The following LMO7 variants were observed in gnomAD, a reference collection of about 807,000 sequenced individuals.
LMO7 encodes the protein LIM domain only protein 7.
In LMO7, 120 loss-of-function variants were observed where a neutral mutation model predicts 206.5. The ratio of observed to expected loss-of-function variants is 0.58; its 90% CI spans 0.50 to 0.68. The LOEUF is 0.68. LMO7 is among the 30% of genes least tolerant of loss of function. LMO7 has a pLI of 0.00. For missense variants in LMO7, 1,959 were observed against 1,957.9 expected (o/e 1.00, Z -0.01); for synonymous variants, 706 against 681.5 (o/e 1.04, Z -0.56).
Position 75,841,731 on chromosome 13 carries a change from G to C in LMO7, c.3779G>C (p.Arg1260Thr). The change falls in exon 24 of 31, where the codon AGA (arginine) becomes ACA (threonine). Residue 1260 changes from arginine (R) to threonine (T), a missense_variant. Transcript: ENST00000377534. ...TWSEGSKSSD[R>T]EGTRAGEEER... ...AGTGAAGGGTCCAAGTCTTCAGACA[G>C]AGAAGGAACCCGAGCAGGAGAAGAG... is the stretch of plus-strand genomic sequence containing the variant. The C allele has an allele frequency of 1.2e-6, 2 of 1,614,110 alleles. No individual in the cohort carries two copies. The highest frequency in any genetic ancestry group is 1.1e-5 in the South Asian group (1 of 91,086).
At chr13:75,623,324 A>T (rs1320906250) in intron 2 of LMO7, 1 of 1,384,158 alleles carries the variant, frequency 7.2e-7, no homozygotes, top group Admixed American at 1.7e-5. Context: ...CATTAAGGTA[A>T]TATTTTTCTG....
chr13:75,626,576 A>G (rs921609978), intron 2 of LMO7, among the ~76,000 whole-genome samples: 1 of 64,390 alleles, frequency 1.6e-5, no homozygotes, highest in Non-Finnish European at 3.5e-5. Context: ...TAACATATAT[A>G]TTATATATAT....
intron 4 of LMO7, among the ~76,000 whole-genome samples, chr13:75,780,828 C>T (rs2761075): frequency 0.012 from 1,867 of 152,234 alleles, 48 homozygotes; most frequent in African/African-American, 0.043. Context: ...GTTCTTCTGC[C>T]GTGGCTTCAG....
chr13:75,644,870 G>A (rs539902998), intron 1 of LMO7, among the ~76,000 whole-genome samples: 36 of 152,276 alleles, frequency 2.4e-4, no homozygotes, highest in African/African-American at 5.5e-4. Flanking sequence ...GGCTTCAAGC[G>A]ATCCTCCCAC....
Position 75,833,151 on chromosome 13 carries a change from C to T in LMO7, c.3050C>T (p.Ala1017Val). ...IKWDIPGIFV[A>V]SVEAGSPAEF... The stretch of plus-strand genomic sequence containing the variant: ...TGGGATATTCCTGGGATCTTCGTAG[C>T]ATCAGTTGAAGCAGGTAAATTATGT... The change falls in exon 16 of 31, where the codon GCA becomes GTA. Residue 1017 changes from alanine (A) to valine (V), a missense_variant. By Grantham distance (64) the Ala-to-Val change is moderately conservative. Coordinates refer to ENST00000377534, the MANE Select transcript of LMO7 (RefSeq NM_001306080.2). The T allele has an allele frequency of 2.5e-6, 4 of 1,581,876 alleles. No homozygotes were observed. The highest frequency in any genetic ancestry group is 3.5e-6 in the Non-Finnish European group (4 of 1,150,804).
At chr13:75,704,895 A>C (rs552024680) in intron 1 of LMO7, among the ~76,000 whole-genome samples, 57 of 152,386 alleles carry the variant, frequency 3.7e-4, no homozygotes, top group African/African-American at 1.2e-3. Context: ...TATGAAATGA[A>C]TACACCTCAT....
rs2061155921 is a variant in LMO7, at chr13:75,859,417, T to G, written c.*1474T>G. The G allele has an allele frequency of 6.6e-6, 1 of 152,214 alleles. No homozygotes were observed. The highest frequency in any genetic ancestry group is 2.4e-5 in the African/African-American group (1 of 41,464). The allele number at this position is 152,214 out of a possible 1,614,324, so 9.4% of individuals were successfully genotyped here. A position where few individuals can be genotyped will look rare whatever the true frequency, so the allele number is the denominator to read the frequency against. On this transcript the variant is annotated 3_prime_UTR_variant, in exon 31 of 31. Transcript: ENST00000377534. ...CATATAATTATTTATAAGTATAGAT[T>G]GTGAATTTTTCCATGTTCTTAAAAT...
rs1595068146 is a variant in LMO7, at chr13:75,795,344, T to C, written c.318-57T>C. The C allele has an allele frequency of 3.4e-6, 4 of 1,166,612 alleles. No individual in the cohort carries two copies. In the East Asian group the frequency reaches 7.4e-5, roughly 22 times the overall value. 72.3% of individuals were successfully genotyped at this position (1,166,612 alleles called of 1,614,324 possible). A position where few individuals can be genotyped will look rare whatever the true frequency, so the allele number is the denominator to read the frequency against. On this transcript the variant is annotated intron_variant, in intron 4 of 30. Coordinates refer to ENST00000377534, the MANE Select transcript of LMO7 (RefSeq NM_001306080.2). The stretch of plus-strand genomic sequence containing the variant: ...ATAAAAATGAGTTTTTTTCTAGCTA[T>C]AATTAATAATTTAAGGTTCACGGAT...
chr13:75,746,615 G>C (rs918822560), intron 3 of LMO7, among the ~76,000 whole-genome samples: 4 of 152,210 alleles, frequency 2.6e-5, no homozygotes, highest in Non-Finnish European at 4.4e-5. Flanking sequence ...CAATGGGCCT[G>C]CATTCCCCTA....
chr13:75,658,566 C>G (rs1289347061), intron 1 of LMO7, among the ~76,000 whole-genome samples: 1 of 151,922 alleles, frequency 6.6e-6, no homozygotes, highest in Non-Finnish European at 1.5e-5. Flanking sequence ...TGAATGGTAT[C>G]TTATTCAACT....
At chr13:75,795,703 A>G (rs1022818226) in intron 5 of LMO7, among the ~76,000 whole-genome samples, 1 of 152,216 alleles carries the variant, frequency 6.6e-6, no homozygotes, top group Non-Finnish European at 1.5e-5. Flanking sequence ...AACTCTGACC[A>G]TGTCCCTGCA....
chr13:75,822,389 T>A (rs1434236860), intron 14 of LMO7, among the ~76,000 whole-genome samples: 2 of 152,160 alleles, frequency 1.3e-5, no homozygotes, highest in Non-Finnish European at 2.9e-5. Context: ...ATTATAAGAA[T>A]TTCATGGCAG....
intron 4 of LMO7, among the ~76,000 whole-genome samples, chr13:75,770,365 A>C (rs1392653203): frequency 2.0e-5 from 3 of 152,018 alleles, no homozygotes; most frequent in Non-Finnish European, 1.5e-5. Context: ...CTAGAGCCTC[A>C]CATACTCTAG....
chr13:75,830,099 T>G (rs1033911786), intron 15 of LMO7, among the ~76,000 whole-genome samples: 1 of 152,186 alleles, frequency 6.6e-6, no homozygotes, highest in Non-Finnish European at 1.5e-5. Context: ...AAGCTTGGAT[T>G]CTTTGTAGGA....
intron 2 of LMO7, among the ~76,000 whole-genome samples, chr13:75,630,545 G>C (rs886888096): frequency 6.6e-6 from 1 of 152,148 alleles, no homozygotes; most frequent in African/African-American, 2.4e-5. Context: ...ATGGTGGCAT[G>C]CATCTGTAGT....
rs537151270 is a variant in LMO7, at chr13:75,745,280, T to C, written c.211-15652T>C. On this transcript the variant is annotated intron_variant, in intron 3 of 30. Coordinates refer to ENST00000377534, the MANE Select transcript of LMO7 (RefSeq NM_001306080.2). ...CTTTGTTGGGTAGGCTACATTTTAC[T>C]TAAAGTATTGGGGGCTTTTGAGAAC... is the stretch of plus-strand genomic sequence containing the variant. 2.0e-5 allele frequency among the ~76,000 whole-genome samples: 3 copies of C among 152,256 alleles called. No homozygotes were observed. In the South Asian group the frequency reaches 6.2e-4, roughly 32 times the overall value.
At chr13:75,670,668 C>T (rs537961451) in intron 1 of LMO7, among the ~76,000 whole-genome samples, 8 of 152,192 alleles carry the variant, frequency 5.3e-5, no homozygotes, top group Admixed American at 2.0e-4. Context: ...CTTGCAGGAC[C>T]GGAAGTTGCT....
chr13:75,835,455 A>G, intron 18 of LMO7, 116 bp downstream of exon 18: 1 of 609,366 alleles, frequency 1.6e-6, no homozygotes, highest in East Asian at 3.1e-5. Flanking sequence ...TTTAAAATGT[A>G]AATGATTGAA....
intron 4 of LMO7, among the ~76,000 whole-genome samples, chr13:75,793,476 G>T (rs905008469): frequency 6.6e-6 from 1 of 152,052 alleles, no homozygotes. Context: ...GGGTTTCCCC[G>T]TGTTGGCCAG....
Sources: gnomAD v4.1 joint callset for allele counts (sites outside exome capture counted in the v4.1 genomes callset) on GRCh38, gnomAD v4.1.1 for gene constraint, MANE v1.5 for transcripts, NCBI Gene and HGNC (gene_info 2026-07-23, HGNC 2026-07-21) for gene names.